DLG2: variants seen among roughly 807,000 people sequenced by gnomAD.
DLG2 encodes disks large homolog 2.
DLG2 carries 45 observed loss-of-function variants against 132.5 expected under a neutral mutation model. The ratio of observed to expected loss-of-function variants is 0.34; its 90% CI spans 0.27 to 0.44. DLG2 has a LOEUF of 0.44. Among genes scored for constraint, DLG2 ranks in the 20% least tolerant of loss-of-function variants. The probability of loss-of-function intolerance (pLI) is 1.00; values close to 1 mark genes in which losing one functional copy is unlikely to be tolerated. For synonymous variants in DLG2, 424 were observed against 419.6 expected, an observed-to-expected ratio of 1.01 and a Z score of -0.13; for missense variants, 1,045 against 1,196.9, an observed-to-expected ratio of 0.87 and a Z score of 1.87.
intron 14 of DLG2, among the ~76,000 whole-genome samples, chr11:83,943,263 T>C (rs898381236): frequency 6.6e-6 from 1 of 152,206 alleles, no homozygotes; most frequent in African/African-American, 2.4e-5. Context: ...TTGTCAATTA[T>C]ACCTCAATAA....
chr11:85,323,941 C>T (rs1412090629), intron 3 of DLG2, among the ~76,000 whole-genome samples: 2 of 152,144 alleles, frequency 1.3e-5, no homozygotes, highest in Non-Finnish European at 2.9e-5. Context: ...GTGGCTCAGC[C>T]CTCCTGTCAC....
At chr11:83,971,826 T>C (rs2091402008) in intron 12 of DLG2, among the ~76,000 whole-genome samples, 3 of 152,174 alleles carry the variant, frequency 2.0e-5, no homozygotes. Flanking sequence ...AAAATCTCCA[T>C]AGTACTCTGA....
chr11:84,176,459 A>G (rs979312881), intron 8 of DLG2, among the ~76,000 whole-genome samples: 1 of 151,354 alleles, frequency 6.6e-6, no homozygotes, highest in African/African-American at 2.4e-5. Context: ...TGCACGGGGC[A>G]GTTGTGTTCA....
intron 3 of DLG2, among the ~76,000 whole-genome samples, chr11:85,479,550 G>A (rs1255810649): frequency 1.3e-5 from 2 of 152,160 alleles, no homozygotes; most frequent in Admixed American, 6.5e-5. Context: ...TTATGAATCA[G>A]TATAAAAAAT....
intron 6 of DLG2, among the ~76,000 whole-genome samples, chr11:85,046,019 A>AG (rs1340928864): frequency 6.6e-6 from 1 of 152,000 alleles, no homozygotes; most frequent in Non-Finnish European, 1.5e-5. Context: ...TTTGAGTCTC[A>AG]GGTTTAGTAG....
At chr11:84,265,629 G>A (rs1371630305) in intron 7 of DLG2, among the ~76,000 whole-genome samples, 2 of 152,074 alleles carry the variant, frequency 1.3e-5, no homozygotes, top group African/African-American at 2.4e-5. Context: ...AAGTTGTAAC[G>A]AGAAGTAATC....
At chr11:85,422,172 T>A (rs2090366795) in intron 3 of DLG2, among the ~76,000 whole-genome samples, 1 of 152,250 alleles carries the variant, frequency 6.6e-6, no homozygotes, top group African/African-American at 2.4e-5. Flanking sequence ...TAGGCAATAA[T>A]CTTTTTGCAA....
intron 18 of DLG2, among the ~76,000 whole-genome samples, chr11:83,660,293 G>A (rs915419809): frequency 2.0e-5 from 3 of 152,194 alleles, no homozygotes; most frequent in African/African-American, 7.2e-5. Flanking sequence ...GAGACGCTAT[G>A]GAAGAGGTCA....
chr11:83,633,382 GCTGCACAGCC>G, intron 18 of DLG2, 57 bp from the exon 19 acceptor site: 1 of 1,427,636 alleles, frequency 7.0e-7, no homozygotes, highest in Non-Finnish European at 9.8e-7. Flanking sequence ...AGTTGGAAAT[GCTGCACAGCC>G]CAGGCAGCCC....
At chr11:84,226,454 TC>T (rs1355475109) in intron 8 of DLG2, among the ~76,000 whole-genome samples, 5 of 152,094 alleles carry the variant, frequency 3.3e-5, no homozygotes, top group Admixed American at 6.6e-5. Context: ...AATTCAGGGA[TC>T]AAAATGTCAC....
chr11:84,456,041 A>G (rs898288452), intron 7 of DLG2, among the ~76,000 whole-genome samples: 6 of 151,310 alleles, frequency 4.0e-5, no homozygotes, highest in Admixed American at 1.3e-4. Context: ...AGTATGGAAC[A>G]CTGGATTCTG....
intron 3 of DLG2, among the ~76,000 whole-genome samples, chr11:85,574,348 C>T (rs2153226046): frequency 1.3e-5 from 2 of 151,874 alleles, no homozygotes; most frequent in South Asian, 4.2e-4. Flanking sequence ...ATTTTCTACC[C>T]TACCCCCCAA....
intron 6 of DLG2, among the ~76,000 whole-genome samples, chr11:84,655,210 G>A (rs865972385): frequency 4.6e-5 from 7 of 151,790 alleles, no homozygotes; most frequent in Admixed American, 2.0e-4. Context: ...ATTTCCTCCC[G>A]TCCCATTCCA....
At chr11:84,990,448 T>G (rs2056969265) in intron 6 of DLG2, among the ~76,000 whole-genome samples, 1 of 152,144 alleles carries the variant, frequency 6.6e-6, no homozygotes. Flanking sequence ...CATGCAAGAA[T>G]GCAGCAAATC....
At chr11:84,088,034 T>C (rs573786871) in intron 10 of DLG2, among the ~76,000 whole-genome samples, 1 of 152,300 alleles carries the variant, frequency 6.6e-6, no homozygotes, top group South Asian at 2.1e-4. Flanking sequence ...ATACAAGTCG[T>C]TTATCAGGTA....
rs562753740 is a variant in DLG2, at chr11:85,184,696, G to A, written c.187-30045C>T. On this transcript the variant is annotated intron_variant, in intron 4 of 27. Transcript: ENST00000376104. ...ATTAGGGCATAAATTAATACACATAGTTAAAATTTTAATATAAACTTGAAC... is the reference window on the plus strand; with the variant it reads ...ATTAGGGCATAAATTAATACACATAATTAAAATTTTAATATAAACTTGAAC... 3.3e-5 allele frequency among the ~76,000 whole-genome samples: 5 copies of A among 151,766 alleles called. No individual in the cohort carries two copies. In the South Asian group the frequency reaches 1.0e-3, roughly 31 times the overall value.
intron 7 of DLG2, among the ~76,000 whole-genome samples, chr11:84,468,056 T>C (rs1047342473): frequency 1.3e-5 from 2 of 151,560 alleles, no homozygotes; most frequent in African/African-American, 4.8e-5. Context: ...AATACCTACT[T>C]TGCAGTTTTA....
intron 18 of DLG2, among the ~76,000 whole-genome samples, chr11:83,755,071 A>C (rs2093590961): frequency 6.6e-6 from 1 of 151,406 alleles, no homozygotes; most frequent in Non-Finnish European, 1.5e-5. Context: ...ATTAACATTC[A>C]AAAGGTAAAC....
chr11:84,918,769 G>A (rs1445121135), intron 6 of DLG2, among the ~76,000 whole-genome samples: 1 of 152,070 alleles, frequency 6.6e-6, no homozygotes, highest in African/African-American at 2.4e-5. Flanking sequence ...GACTTCAAAG[G>A]CTATGAGGTT....
Sources: gnomAD v4.1 joint callset for allele counts (sites outside exome capture counted in the v4.1 genomes callset) on GRCh38, gnomAD v4.1.1 for gene constraint, MANE v1.5 for transcripts, NCBI Gene and HGNC (gene_info 2026-07-23, HGNC 2026-07-21) for gene names.